Variants in FRMPD4 observed in about 807,000 individuals in gnomAD.
FRMPD4 encodes FERM and PDZ domain-containing protein 4.
FRMPD4 carries 22 observed loss-of-function variants against 94.1 expected under a neutral mutation model. The ratio of observed to expected loss-of-function variants is 0.23; its 90% CI spans 0.17 to 0.33. FRMPD4 has a LOEUF of 0.33. Among genes scored for constraint, FRMPD4 ranks in the 10% least tolerant of loss-of-function variants. The probability of loss-of-function intolerance (pLI) is 1.00; values close to 1 mark genes in which losing one functional copy is unlikely to be tolerated. For missense variants in FRMPD4, 1,111 were observed against 1,339.9 expected (o/e 0.83, Z 2.67); for synonymous variants, 631 against 548.6 (o/e 1.15, Z -2.10).
chrX:12,003,634 G>C (rs771729029), intron 3 of FRMPD4, among the ~76,000 whole-genome samples: 2 of 111,756 alleles, frequency 1.8e-5, no homozygotes, highest in South Asian at 3.8e-4. Context: ...TTGAACTCCT[G>C]GCCTCAAGTG....
At chrX:12,218,338 T>C (rs1202900391) in intron 1 of FRMPD4, among the ~76,000 whole-genome samples, 1 of 111,972 alleles carries the variant, frequency 8.9e-6, no homozygotes, top group African/African-American at 3.2e-5. Context: ...TTAGGGATTG[T>C]TGAGACCTGC....
At chrX:12,618,474 G>A (rs900075323) in intron 4 of FRMPD4, among the ~76,000 whole-genome samples, 1 of 111,520 alleles carries the variant, frequency 9.0e-6, no homozygotes, top group African/African-American at 3.3e-5. Flanking sequence ...GGAATGTTTG[G>A]TGGAGATGGA....
intron 1 of FRMPD4, among the ~76,000 whole-genome samples, chrX:12,262,157 A>G (rs1176487527): frequency 8.9e-6 from 1 of 112,068 alleles, no homozygotes; most frequent in Non-Finnish European, 1.9e-5. Flanking sequence ...AGCCATACCC[A>G]TTGATTTGTA....
At chrX:11,905,615 C>A (rs752820494) in intron 3 of FRMPD4, among the ~76,000 whole-genome samples, 1 of 111,280 alleles carries the variant, frequency 9.0e-6, no homozygotes, top group East Asian at 2.8e-4. Context: ...GATTTGGGCT[C>A]TAGTCTCAGA....
intron 2 of FRMPD4, among the ~76,000 whole-genome samples, chrX:12,546,376 C>T (rs1357279561): frequency 9.0e-6 from 1 of 111,458 alleles, no homozygotes; most frequent in African/African-American, 3.3e-5. Context: ...CCAGGTTTCA[C>T]CAGGTTGGCC....
chrX:12,039,770 G>A (rs1446594941), intron 3 of FRMPD4, among the ~76,000 whole-genome samples: 1 of 109,356 alleles, frequency 9.1e-6, no homozygotes, highest in Non-Finnish European at 1.9e-5. Context: ...GGGACTCGGA[G>A]ACCAGCCTGA....
chrX:12,109,199 AG>A (rs1280028655), intron 3 of FRMPD4, among the ~76,000 whole-genome samples: 1 of 112,164 alleles, frequency 8.9e-6, no homozygotes, highest in African/African-American at 3.2e-5. Flanking sequence ...CAAATGTAAA[AG>A]AACAGAAATT....
At chrX:12,461,846 AC>A (rs1382134535) in intron 1 of FRMPD4, among the ~76,000 whole-genome samples, 1 of 111,637 alleles carries the variant, frequency 9.0e-6, no homozygotes, top group Non-Finnish European at 1.9e-5. Context: ...CTTTTTGAGC[AC>A]AGGAGCCATG....
At chrX:12,537,092 A>G (rs2058346927) in intron 2 of FRMPD4, among the ~76,000 whole-genome samples, 1 of 111,723 alleles carries the variant, frequency 9.0e-6, no homozygotes, top group Non-Finnish European at 1.9e-5. Flanking sequence ...TTTTAATAAA[A>G]ATATGTTTAG....
intron 1 of FRMPD4, among the ~76,000 whole-genome samples, chrX:12,312,035 A>G (rs1005137283): frequency 7.3e-5 from 8 of 109,936 alleles, no homozygotes; most frequent in African/African-American, 2.6e-4. Context: ...TGGAGTCTCT[A>G]TATCTTTTAC....
At chrX:12,569,403 G>A (rs929279952) in intron 2 of FRMPD4, among the ~76,000 whole-genome samples, 2 of 111,724 alleles carry the variant, frequency 1.8e-5, no homozygotes, top group African/African-American at 6.5e-5. Flanking sequence ...GAAACCCAGA[G>A]TTCAGATTTT....
chrX:12,301,450 C>T (rs1034246948), intron 1 of FRMPD4, among the ~76,000 whole-genome samples: 4 of 111,470 alleles, frequency 3.6e-5, no homozygotes, highest in Non-Finnish European at 5.6e-5. Flanking sequence ...TATACAGATG[C>T]TCTGCTCCTT....
chrX:12,016,871 G>A (rs1010393312), intron 3 of FRMPD4, among the ~76,000 whole-genome samples: 3 of 111,841 alleles, frequency 2.7e-5, no homozygotes, highest in Non-Finnish European at 5.6e-5. Flanking sequence ...CCTTTCCAAT[G>A]AAGCAAGCCA....
chrX:12,721,837 CA>C lies in FRMPD4; in HGVS notation c.5270del (p.Lys1757ArgfsTer4). On this transcript the variant is annotated frameshift_variant, in exon 17 of 17. Transcript: ENST00000675598. LOFTEE classifies it high-confidence loss of function. ...TCGTAAGCACACTGACACGTTCTCT[CA>C]AGAGGCTTTTAAACAAATAAATATG... is the stretch of plus-strand genomic sequence containing the variant. The part of the protein sequence containing the change: ...ALVSTLTRSL[K>X]RLLNK 2 of 754,324 alleles carry C rather than the reference CA, an allele frequency of 2.7e-6. No individual in the cohort carries two copies. Among genetic ancestry groups the C allele is most frequent in the Non-Finnish European group, 3.1e-6 (2 of 637,544 alleles). The allele number at this position is 754,324 out of a possible 1,213,427, so 62.2% of individuals were successfully genotyped here.
chrX:12,127,430 A>T (rs1569163324), intron 3 of FRMPD4, among the ~76,000 whole-genome samples: 1 of 111,750 alleles, frequency 8.9e-6, no homozygotes, highest in African/African-American at 3.3e-5. Context: ...TAAGACCATC[A>T]GATCTCATGA....
rs548695452 is a variant in FRMPD4, at chrX:12,059,395, G to A, written c.95+181377G>A. ...GTTGTTCCCTTCATCATAATTTGGT[G>A]TGCTTTTTTATCCGTACTCATAATA... On this transcript the variant is annotated intron_variant, in intron 3 of 18. Transcript: ENST00000640291. Among the ~76,000 whole-genome samples the A allele has an allele frequency of 1.8e-4, 20 of 111,582 alleles. No homozygotes were observed. In the South Asian group the frequency reaches 7.5e-3, roughly 42 times the overall value.
chrX:12,706,462 T>A (rs1191653433), intron 11 of FRMPD4, among the ~76,000 whole-genome samples: 1 of 111,468 alleles, frequency 9.0e-6, no homozygotes, highest in Non-Finnish European at 1.9e-5. Context: ...CTCACCTTTG[T>A]CCCTAATTGC....
chrX:12,246,433 C>T (rs2053959756), intron 1 of FRMPD4, among the ~76,000 whole-genome samples: 1 of 111,576 alleles, frequency 9.0e-6, no homozygotes, highest in Non-Finnish European at 1.9e-5. Context: ...CCCTTAGAAT[C>T]ATTGCTTCAT....
At chrX:12,060,797 T>C (rs2054881380) in intron 3 of FRMPD4, among the ~76,000 whole-genome samples, 2 of 112,007 alleles carry the variant, frequency 1.8e-5, no homozygotes, top group Non-Finnish European at 3.8e-5. Flanking sequence ...TGTGTTTACA[T>C]GTAATGAGTC....
Sources: allele counts gnomAD v4.1 joint callset (sites outside exome capture counted in the v4.1 genomes callset), GRCh38; gene constraint gnomAD v4.1.1; transcripts MANE v1.5; gene names NCBI Gene and HGNC (gene_info 2026-07-23, HGNC 2026-07-21).